Variants in KIF14 observed in about 807,000 individuals in gnomAD.
KIF14 encodes kinesin family member 14.
KIF14 carries 98 observed loss-of-function variants against 176.2 expected under a neutral mutation model. The ratio of observed to expected loss-of-function variants is 0.56; its 90% CI spans 0.47 to 0.66. The LOEUF is 0.66. Among genes scored for constraint, KIF14 ranks in the 30% least tolerant of loss-of-function variants. The pLI is 0.00. For synonymous variants in KIF14, 566 were observed against 632.2 expected (o/e 0.90, Z 1.57); for missense variants, 1,751 against 1,920.4 (o/e 0.91, Z 1.65).
chr1:200,580,837 G>A (rs1055621750), intron 20 of KIF14, among the ~76,000 whole-genome samples: 2 of 151,992 alleles, frequency 1.3e-5, no homozygotes, highest in Non-Finnish European at 1.5e-5. Flanking sequence ...ATAGCCGGGC[G>A]CAGTGGCTCA....
At position 200,618,493 on chromosome 1, in the gene KIF14, G is replaced by A. The variant is rs1660526674; in HGVS notation, c.231C>T (p.Asp77=). 3.7e-6 allele frequency: 6 copies of A among 1,613,976 alleles called. No homozygotes were observed. Among genetic ancestry groups the A allele is most frequent in the Admixed American group, 1.7e-5 (1 of 60,008 alleles). ...CTACAGGATTAGGGGTAAGGGGCATGTCTGCTGTTTTTCTACTGGCAGAAA... is the reference window on the plus strand; with the variant it reads ...CTACAGGATTAGGGGTAAGGGGCATATCTGCTGTTTTTCTACTGGCAGAAA... The part of the protein sequence containing the change: ...YVISASRKTA[D]MPLTPNPVGR... The change falls in exon 2 of 30, where the codon GAC becomes GAT. Residue 77 remains aspartate (D), a synonymous_variant. Coordinates refer to ENST00000367350, the MANE Select transcript of KIF14 (RefSeq NM_014875.3).
At chr1:200,582,781 C>T (rs552190120) in intron 19 of KIF14, among the ~76,000 whole-genome samples, 1 of 151,152 alleles carries the variant, frequency 6.6e-6, no homozygotes, top group East Asian at 2.0e-4. Context: ...AAGCGGGAGA[C>T]AGAAGTTGCA....
chr1:200,554,251 C>A (rs961465829), intron 29 of KIF14, among the ~76,000 whole-genome samples: 3 of 151,914 alleles, frequency 2.0e-5, no homozygotes, highest in African/African-American at 4.8e-5. Flanking sequence ...ATTATCCAGG[C>A]ATGGTGGCAT....
intron 11 of KIF14, 47 bp downstream of exon 11, chr1:200,601,849 G>T: frequency 1.4e-6 from 2 of 1,442,022 alleles, no homozygotes; most frequent in Non-Finnish European, 1.9e-6. Context: ...TAATATCTGG[G>T]ACTAAACTGT....
chr1:200,599,586 A>G (rs1558079872), intron 13 of KIF14, among the ~76,000 whole-genome samples: 1 of 152,236 alleles, frequency 6.6e-6, no homozygotes, highest in Non-Finnish European at 1.5e-5. Context: ...AGGTTCAACC[A>G]TATGAAACTG....
chr1:200,563,022 G>T (rs954206477), intron 25 of KIF14, among the ~76,000 whole-genome samples: 3 of 152,162 alleles, frequency 2.0e-5, no homozygotes, highest in Non-Finnish European at 4.4e-5. Flanking sequence ...GAAGTTTAGG[G>T]TTATCAGAGA....
chr1:200,563,096 C>T (rs1657250731), intron 25 of KIF14, among the ~76,000 whole-genome samples: 1 of 152,124 alleles, frequency 6.6e-6, no homozygotes, highest in South Asian at 2.1e-4. Flanking sequence ...TGAGGGAGAA[C>T]AACGGACATT....
chr1:200,578,685 T>C (rs1214642272), intron 21 of KIF14, among the ~76,000 whole-genome samples: 1 of 151,612 alleles, frequency 6.6e-6, no homozygotes, highest in East Asian at 1.9e-4. Flanking sequence ...TATAACAAAA[T>C]GAAACCAACA....
At chr1:200,559,100 T>C (rs556160241) in intron 27 of KIF14, among the ~76,000 whole-genome samples, 1 of 152,312 alleles carries the variant, frequency 6.6e-6, no homozygotes, top group South Asian at 2.1e-4. Flanking sequence ...GACTGAATTC[T>C]TGAAAATAGC....
intron 21 of KIF14, among the ~76,000 whole-genome samples, chr1:200,578,297 T>C (rs1658245193): frequency 6.6e-6 from 1 of 152,146 alleles, no homozygotes; most frequent in Non-Finnish European, 1.5e-5. Flanking sequence ...ATTTTTCCAT[T>C]AAACAATTCA....
At chr1:200,595,632 C>T (rs897405245) in intron 14 of KIF14, among the ~76,000 whole-genome samples, 1 of 151,972 alleles carries the variant, frequency 6.6e-6, no homozygotes, top group African/African-American at 2.4e-5. Flanking sequence ...ACCTAAAGAA[C>T]AAAAGGATAT....
At position 200,601,994 on chromosome 1, in the gene KIF14, A is replaced by T; in HGVS notation, c.2054T>A (p.Ile685Lys). 4 of 1,613,934 alleles carry T rather than the reference A, an allele frequency of 2.5e-6. No homozygotes were observed. Among genetic ancestry groups the T allele is most frequent in the Non-Finnish European group, 3.4e-6 (4 of 1,179,892 alleles). The change falls in exon 11 of 30, where the codon ATA becomes AAA. Residue 685 changes from isoleucine to lysine, a missense_variant. Ile to Lys is a moderately radical substitution (Grantham distance 102). Coordinates refer to ENST00000367350, the MANE Select transcript of KIF14 (RefSeq NM_014875.3). ...IATISPAASN[I>K]EETLSTLRYA... The stretch of plus-strand genomic sequence containing the variant: ...TCTAAGTGTGCTTAATGTTTCTTCT[A>T]TGTTGCTGGCAGCGGGACTAATCGT...
chr1:200,574,120 C>T (rs1657972035), intron 22 of KIF14, among the ~76,000 whole-genome samples: 1 of 152,086 alleles, frequency 6.6e-6, no homozygotes. Flanking sequence ...GTGGTGTGTA[C>T]TAGGTAAGAT....
chr1:200,553,491 C>T lies in KIF14; in HGVS notation c.4844G>A (p.Gly1615Asp), dbSNP rs542837815. 2.5e-6 allele frequency: 4 copies of T among 1,613,964 alleles called. No homozygotes were observed. In the East Asian group the frequency reaches 6.7e-5, roughly 27 times the overall value. ...CTTTGGTACACCTTTATTCTTACTG[C>T]CGTCAATCCCGCTTGATTTAGATTG... is the stretch of plus-strand genomic sequence containing the variant. The part of the protein sequence containing the change: ...HQQSKSSGID[G>D]SKNKGVPKRV... The change falls in exon 30 of 30, where the codon GGC becomes GAC. Residue 1615 changes from glycine to aspartate, a missense_variant. Physicochemically the swap from Gly to Asp is moderately conservative, Grantham distance 94. Coordinates refer to ENST00000367350, the MANE Select transcript of KIF14 (RefSeq NM_014875.3).
At position 200,598,111 on chromosome 1, in the gene KIF14, C is replaced by G. The variant is rs752490826; in HGVS notation, c.2549+126G>C. 6 of 776,294 alleles carry G rather than the reference C, an allele frequency of 7.7e-6. No homozygotes were observed. The Admixed American group carries it at 1.5e-4, about 19-fold the overall frequency. The allele number at this position is 776,294 out of a possible 1,614,324, so 48.1% of individuals were successfully genotyped here. ...CACTCAGAATGTATGTTTTTCCTGACTAAACAATGGGTTTGAAGAATTCTA... is the reference window on the plus strand; with the variant it reads ...CACTCAGAATGTATGTTTTTCCTGAGTAAACAATGGGTTTGAAGAATTCTA... On this transcript the variant is annotated intron_variant, in intron 14 of 29. Coordinates refer to ENST00000367350, the MANE Select transcript of KIF14 (RefSeq NM_014875.3).
chr1:200,602,069 C>T lies in KIF14; in HGVS notation c.1980-1G>A. The T allele has an allele frequency of 6.2e-7, 1 of 1,605,444 alleles. No individual in the cohort carries two copies. Among genetic ancestry groups the T allele is most frequent in the Non-Finnish European group, 8.5e-7 (1 of 1,177,624 alleles). ...TCCACCCAGACTTTCTTTTAACAGC[C>T]TACAAGAAAAAAAGTCATAAGACTT... On this transcript the variant is annotated splice_acceptor_variant, in intron 10 of 29. Transcript: ENST00000367350. LOFTEE classifies it high-confidence loss of function.
At chr1:200,577,715 GAA>G (rs907304890) in intron 21 of KIF14, among the ~76,000 whole-genome samples, 1 of 131,642 alleles carries the variant, frequency 7.6e-6, no homozygotes, top group Non-Finnish European at 1.6e-5. Context: ...AAGAAAAAAA[GAA>G]AAAAAAAAAA....
chr1:200,577,139 G>A (rs1209100618), intron 21 of KIF14, among the ~76,000 whole-genome samples: 6 of 124,438 alleles, frequency 4.8e-5, no homozygotes, highest in African/African-American at 9.6e-5. Flanking sequence ...GTAAAATCCC[G>A]ACTCTACTAA....
chr1:200,554,673 A>G (rs1656741320), intron 28 of KIF14, 67 bp from the exon 29 acceptor site: 2 of 781,136 alleles, frequency 2.6e-6, no homozygotes, highest in Admixed American at 3.4e-5. Context: ...GGCTCAGTCA[A>G]TATGATTTTA....
Sources: gnomAD v4.1 joint callset for allele counts (sites outside exome capture counted in the v4.1 genomes callset) on GRCh38, gnomAD v4.1.1 for gene constraint, MANE v1.5 for transcripts, NCBI Gene and HGNC (gene_info 2026-07-23, HGNC 2026-07-21) for gene names.